Variants in DIAPH2 observed in about 807,000 individuals in gnomAD.
The protein encoded by DIAPH2 is protein diaphanous homolog 2.
DIAPH2 carries 35 observed loss-of-function variants against 92.7 expected under a neutral mutation model. The ratio of observed to expected loss-of-function variants is 0.38; its 90% CI spans 0.29 to 0.50. The LOEUF (loss-of-function observed/expected upper bound fraction) is 0.50, where lower values mean the gene tolerates loss of function less well. Among genes scored for constraint, DIAPH2 ranks in the 20% least tolerant of loss-of-function variants. The probability of loss-of-function intolerance (pLI) is 0.94; values close to 1 mark genes in which losing one functional copy is unlikely to be tolerated. For missense variants in DIAPH2, 701 were observed against 819.5 expected (o/e 0.86, Z 1.77); for synonymous variants, 301 against 280.4 (o/e 1.07, Z -0.73).
chrX:96,737,080 A>AATCATCTAATGAATCTTAAGTTAATGTG (rs2064092387), intron 2 of DIAPH2, among the ~76,000 whole-genome samples: 1 of 112,131 alleles, frequency 8.9e-6, no homozygotes, highest in African/African-American at 3.2e-5. Context: ...TGATTAGAAG[A>AATCATCTAATGAATCTTAAGTTAATGTG]AATGAATCTT....
intron 17 of DIAPH2, among the ~76,000 whole-genome samples, chrX:97,071,442 T>C (rs1163597881): frequency 2.7e-5 from 3 of 111,367 alleles, no homozygotes; most frequent in South Asian, 3.8e-4. Flanking sequence ...GTGACTATTA[T>C]GTTGAATCCA....
At chrX:96,712,115 CTCT>C (rs1169230970) in intron 1 of DIAPH2, among the ~76,000 whole-genome samples, 1 of 110,787 alleles carries the variant, frequency 9.0e-6, no homozygotes, top group Non-Finnish European at 1.9e-5. Flanking sequence ...ACTATGCTGG[CTCT>C]TCTTCATGTT....
chrX:97,109,232 C>A (rs960109770), intron 20 of DIAPH2, among the ~76,000 whole-genome samples: 2 of 110,604 alleles, frequency 1.8e-5, no homozygotes, highest in Non-Finnish European at 3.8e-5. Context: ...CCAGCCTGGG[C>A]AACATGGCAC....
chrX:97,364,759 GTTTTTT>G (rs11286549), intron 24 of DIAPH2, among the ~76,000 whole-genome samples: 1 of 56,593 alleles, frequency 1.8e-5, no homozygotes, highest in African/African-American at 5.8e-5. Flanking sequence ...GTCTCCTGGT[GTTTTTT>G]TTTTTTTTTT....
intron 25 of DIAPH2, among the ~76,000 whole-genome samples, chrX:97,429,196 A>G (rs942084141): frequency 8.9e-6 from 1 of 112,509 alleles, no homozygotes; most frequent in African/African-American, 3.2e-5. Context: ...GTTTTCTAAG[A>G]TAATCGCAGA....
At position 97,443,718 on chromosome X, in the gene DIAPH2, C is replaced by T. The variant is rs765171242; in HGVS notation, c.3241+13973C>T. ...ATGCTTGACAAGTAAAGAAAAATGC[C>T]GACTTTATATAAAAAACACAATGTA... On this transcript the variant is annotated intron_variant, in intron 26 of 26. Coordinates refer to ENST00000324765, the MANE Select transcript of DIAPH2 (RefSeq NM_006729.5). Among the ~76,000 whole-genome samples the T allele has an allele frequency of 9.9e-5, 11 of 111,538 alleles. No homozygotes were observed. In the South Asian group the frequency reaches 1.1e-3, roughly 12 times the overall value.
At chrX:97,147,842 C>T (rs182248716) in intron 22 of DIAPH2, among the ~76,000 whole-genome samples, 1 of 111,254 alleles carries the variant, frequency 9.0e-6, no homozygotes, top group African/African-American at 3.3e-5. Context: ...TGTTAGTTAC[C>T]GATTAGCTGT....
chrX:97,223,691 A>G (rs899533063), intron 22 of DIAPH2, among the ~76,000 whole-genome samples: 2 of 111,321 alleles, frequency 1.8e-5, no homozygotes, highest in Non-Finnish European at 3.8e-5. Context: ...TTGTGTAGTA[A>G]AGCTTGTATT....
intron 17 of DIAPH2, among the ~76,000 whole-genome samples, chrX:97,051,965 C>G (rs1028208984): frequency 1.8e-5 from 2 of 112,083 alleles, no homozygotes; most frequent in Non-Finnish European, 3.8e-5. Context: ...GCCAATTTAT[C>G]TGTTAATTCA....
chrX:97,522,863 G>T (rs183983267), intron 26 of DIAPH2, among the ~76,000 whole-genome samples: 63 of 112,515 alleles, frequency 5.6e-4, no homozygotes, highest in Non-Finnish European at 9.9e-4. Context: ...CCTCCCTAGT[G>T]GTCTGTCTGT....
intron 23 of DIAPH2, among the ~76,000 whole-genome samples, chrX:97,309,409 A>G (rs1286689485): frequency 1.8e-5 from 2 of 111,246 alleles, no homozygotes; most frequent in Non-Finnish European, 1.9e-5. Flanking sequence ...CCAATTTTAC[A>G]TTTTTTATAC....
chrX:97,396,398 G>A (rs765728705), intron 25 of DIAPH2, among the ~76,000 whole-genome samples: 8 of 111,143 alleles, frequency 7.2e-5, no homozygotes, highest in African/African-American at 2.3e-4. Context: ...TTGGCCGGGC[G>A]CAGTGGCTCA....
chrX:97,405,311 A>G (rs938112177), intron 25 of DIAPH2, among the ~76,000 whole-genome samples: 4 of 112,300 alleles, frequency 3.6e-5, no homozygotes, highest in South Asian at 3.7e-4. Context: ...TCGCATCCCT[A>G]TGCTGGAGTG....
intron 26 of DIAPH2, among the ~76,000 whole-genome samples, chrX:97,499,279 C>T (rs753004516): frequency 1.6e-4 from 18 of 111,821 alleles, no homozygotes; most frequent in African/African-American, 5.5e-4. Context: ...ATTTTATAAA[C>T]CAAATGCTGT....
intron 17 of DIAPH2, among the ~76,000 whole-genome samples, chrX:96,977,335 G>A (rs753639468): frequency 5.4e-5 from 6 of 111,678 alleles, no homozygotes; most frequent in East Asian, 5.6e-4. Flanking sequence ...GTGGTAAAAC[G>A]TTGCCGTGAC....
At position 97,013,302 on chromosome X, in the gene DIAPH2, G is replaced by C. The variant is rs141069076; in HGVS notation, c.2050+48095G>C. Among the ~76,000 whole-genome samples the C allele has an allele frequency of 1.9e-3, 217 of 111,448 alleles. 4 individuals are homozygous for C. In the East Asian group the frequency reaches 0.052, roughly 27 times the overall value. ...AGACTGGGACCATGAGCCTTTCCTG[G>C]TATTCTCTCTGTGCATTTCTCTCCA... On this transcript the variant is annotated intron_variant, in intron 17 of 26. Transcript: ENST00000324765.
At chrX:97,353,436 C>T (rs1189276595) in intron 24 of DIAPH2, among the ~76,000 whole-genome samples, 1 of 110,912 alleles carries the variant, frequency 9.0e-6, no homozygotes. Context: ...ATAGAAAATA[C>T]TTCTTTTCTG....
At chrX:97,470,914 T>A (rs2070557247) in intron 26 of DIAPH2, among the ~76,000 whole-genome samples, 1 of 111,525 alleles carries the variant, frequency 9.0e-6, no homozygotes. Flanking sequence ...GAAGCCCGAA[T>A]GACATACTCT....
At chrX:97,276,264 G>A (rs765208627) in intron 23 of DIAPH2, among the ~76,000 whole-genome samples, 73 of 111,998 alleles carry the variant, frequency 6.5e-4, no homozygotes, top group Non-Finnish European at 1.1e-3. Context: ...GAGGGAGACC[G>A]TGGGGAGAGG....
Sources: gnomAD v4.1 joint callset for allele counts (sites outside exome capture counted in the v4.1 genomes callset) on GRCh38, gnomAD v4.1.1 for gene constraint, MANE v1.5 for transcripts, NCBI Gene and HGNC (gene_info 2026-07-23, HGNC 2026-07-21) for gene names.